Variants in FILIP1L observed in about 807,000 individuals in gnomAD.
The protein encoded by FILIP1L is filamin A interacting protein 1 like.
FILIP1L carries 55 observed loss-of-function variants against 96.6 expected under a neutral mutation model. That is an observed-to-expected ratio of 0.57 (90% CI 0.46 to 0.71). The LOEUF (loss-of-function observed/expected upper bound fraction) is 0.71, where lower values mean the gene tolerates loss of function less well. Among genes scored for constraint, FILIP1L ranks in the 30% least tolerant of loss-of-function variants. The pLI is 0.00. For synonymous variants in FILIP1L, 467 were observed against 473.9 expected, an observed-to-expected ratio of 0.99 and a Z score of 0.19; for missense variants, 1,304 against 1,321.2, an observed-to-expected ratio of 0.99 and a Z score of 0.20.
At chr3:100,017,002 A>C (rs1319086422) in intron 1 of FILIP1L, among the ~76,000 whole-genome samples, 1 of 152,172 alleles carries the variant, frequency 6.6e-6, no homozygotes, top group Non-Finnish European at 1.5e-5. Context: ...ACAGTAATGG[A>C]GATCTTTAAA....
At chr3:100,013,049 G>A (rs1242737407) in intron 1 of FILIP1L, among the ~76,000 whole-genome samples, 2 of 151,426 alleles carry the variant, frequency 1.3e-5, no homozygotes, top group Admixed American at 1.3e-4. Context: ...TTGTTTGTTT[G>A]TTTTGTTTGG....
rs1379263052 is a variant in FILIP1L at position 99,976,041 on chromosome 3, T to C, written c.-10-45011A>G. On this transcript the variant is annotated intron_variant, in intron 1 of 5. Transcript: ENST00000477258. The stretch of plus-strand genomic sequence containing the variant: ...CTGGGACTACAGGCATGTGCCACTA[T>C]GCCCAGCTAATTTTTGTATTTTTAG... Among the ~76,000 whole-genome samples the C allele has an allele frequency of 7.9e-4, 120 of 152,254 alleles. 1 individual carries two copies. The highest frequency in any genetic ancestry group is 1.0e-4 in the Non-Finnish European group (7 of 68,002).
Position 99,991,905 on chromosome 3 carries a change from T to C in FILIP1L, c.-10-60875A>G, listed in dbSNP as rs1236084038. ...ATATGTATATATGTGTGTATATATA[T>C]ACATATATAGGTATATATACACACA... On this transcript the variant is annotated intron_variant, in intron 1 of 5. Coordinates refer to ENST00000477258, the MANE Select transcript of FILIP1L (RefSeq NM_001387850.1). Among the ~76,000 whole-genome samples, 7 of 149,812 alleles carry C rather than the reference T, an allele frequency of 4.7e-5. No individual in the cohort carries two copies. The East Asian group carries it at 7.8e-4, about 17-fold the overall frequency.
At chr3:99,890,337 C>A (rs1183473105) in intron 4 of FILIP1L, among the ~76,000 whole-genome samples, 1 of 151,944 alleles carries the variant, frequency 6.6e-6, no homozygotes, top group Non-Finnish European at 1.5e-5. Flanking sequence ...ATGCAGATTT[C>A]TTTTATTTTG....
intron 1 of FILIP1L, among the ~76,000 whole-genome samples, chr3:100,085,435 G>A (rs1442357298): frequency 6.6e-6 from 1 of 152,066 alleles, no homozygotes; most frequent in African/African-American, 2.4e-5. Flanking sequence ...GCCCATTTGG[G>A]ACTATGCTTT....
chr3:100,066,784 GCCTCCC>G (rs2065672966), intron 1 of FILIP1L, among the ~76,000 whole-genome samples: 1 of 151,206 alleles, frequency 6.6e-6, no homozygotes, highest in Non-Finnish European at 1.5e-5. Flanking sequence ...GCCCGCCTCG[GCCTCCC>G]AAAGTGCTGG....
At chr3:100,035,415 A>G (rs2065090504) in intron 1 of FILIP1L, among the ~76,000 whole-genome samples, 1 of 152,138 alleles carries the variant, frequency 6.6e-6, no homozygotes, top group African/African-American at 2.4e-5. Context: ...CTGGGACTAC[A>G]GGCGCATGCC....
intron 1 of FILIP1L, among the ~76,000 whole-genome samples, chr3:99,965,279 T>G (rs1235060467): frequency 1.3e-5 from 2 of 152,202 alleles, no homozygotes; most frequent in African/African-American, 4.8e-5. Context: ...CTGTGTTCTT[T>G]GTATATGTGG....
intron 1 of FILIP1L, among the ~76,000 whole-genome samples, chr3:100,090,510 A>G (rs1289692661): frequency 1.3e-5 from 2 of 152,152 alleles, no homozygotes; most frequent in South Asian, 2.1e-4. Flanking sequence ...GGCGACAGAG[A>G]TGCATGACTT....
chr3:99,862,269 A>G (rs1944302364), intron 4 of FILIP1L, among the ~76,000 whole-genome samples: 1 of 152,226 alleles, frequency 6.6e-6, no homozygotes, highest in Non-Finnish European at 1.5e-5. Context: ...TGGAAAAAAA[A>G]GTAGGACAGT....
At chr3:99,909,054 G>A (rs1706710876) in intron 4 of FILIP1L, among the ~76,000 whole-genome samples, 1 of 152,124 alleles carries the variant, frequency 6.6e-6, no homozygotes, top group Non-Finnish European at 1.5e-5. Context: ...GTGTGCACAG[G>A]CCATCAAAGG....
In FILIP1L at chr3:99,836,184, G is replaced by C. The variant is rs558796393; in HGVS notation, c.3382-5579C>G. ...AGTGTAGTAGATTAACTATCTTACA[G>C]TACCATCTGTCCTAAATTCTGGGCT... On this transcript the variant is annotated intron_variant, in intron 5 of 5. Transcript: ENST00000477258. Among the ~76,000 whole-genome samples, 4 of 152,254 alleles carry C rather than the reference G, an allele frequency of 2.6e-5. No homozygotes were observed. In the South Asian group the frequency reaches 8.3e-4, roughly 32 times the overall value.
chr3:99,876,116 G>T, intron 4 of FILIP1L: 1 of 986,402 alleles, frequency 1.0e-6, no homozygotes, highest in Non-Finnish European at 1.2e-6. Context: ...GGCCGGGGCC[G>T]CTGTAGTGCC....
At chr3:99,911,600 T>G (rs1397762604) in intron 4 of FILIP1L, among the ~76,000 whole-genome samples, 1 of 152,156 alleles carries the variant, frequency 6.6e-6, no homozygotes, top group Non-Finnish European at 1.5e-5. Flanking sequence ...ATCTTTTTAA[T>G]GTACCTGTGA....
chr3:99,830,011 T>G lies in FILIP1L; in HGVS notation c.*403A>C, dbSNP rs898230206. ...ATTTTCTTGACTCAGATTAGGAATT[T>G]TTGCTATCACCTTTTCTTAGCAAAA... is the stretch of plus-strand genomic sequence containing the variant. On this transcript the variant is annotated 3_prime_UTR_variant, in exon 6 of 6. Transcript: ENST00000477258. 1.3e-5 allele frequency: 2 copies of G among 152,956 alleles called. No homozygotes were observed. Among genetic ancestry groups the G allele is most frequent in the Non-Finnish European group, 2.9e-5 (2 of 68,244 alleles). The allele number at this position is 152,956 out of a possible 1,614,324, so 9.5% of individuals were successfully genotyped here.
intron 4 of FILIP1L, among the ~76,000 whole-genome samples, chr3:99,853,068 T>C (rs1943783349): frequency 6.6e-6 from 1 of 152,202 alleles, no homozygotes; most frequent in South Asian, 2.1e-4. Flanking sequence ...TTTCTGGCCA[T>C]GCCCCATCCC....
chr3:99,983,440 ATG>A lies in FILIP1L; in HGVS notation c.-10-52412_-10-52411del, dbSNP rs1174472113. Among the ~76,000 whole-genome samples the A allele has an allele frequency of 3.3e-3, 126 of 37,824 alleles. 3 individuals carry two copies. The highest frequency in any genetic ancestry group is 7.0e-3 in the African/African-American group (75 of 10,658). 24.8% of individuals were successfully genotyped at this position (37,824 alleles called of 152,430 possible). Reference sequence around the variant, plus strand: ...TATATGTATGTATGTATGTATATATATGTATGTATATATATATATGTGTGTAT... The same window carrying A: ...TATATGTATGTATGTATGTATATATATATGTATATATATATATGTGTGTAT... On this transcript the variant is annotated intron_variant, in intron 1 of 5. Transcript: ENST00000477258.
At chr3:99,913,389 G>C (rs547300952) in intron 4 of FILIP1L, among the ~76,000 whole-genome samples, 1 of 152,108 alleles carries the variant, frequency 6.6e-6, no homozygotes, top group Admixed American at 6.5e-5. Flanking sequence ...TAAAGTTATC[G>C]TAGTGGATAT....
chr3:100,049,297 T>C (rs957135405), intron 1 of FILIP1L, among the ~76,000 whole-genome samples: 1 of 152,198 alleles, frequency 6.6e-6, no homozygotes, highest in African/African-American at 2.4e-5. Context: ...TCAACAAAGA[T>C]TAGAGGTTAG....
Sources: allele counts gnomAD v4.1 joint callset (sites outside exome capture counted in the v4.1 genomes callset), GRCh38; gene constraint gnomAD v4.1.1; transcripts MANE v1.5; gene names NCBI Gene and HGNC (gene_info 2026-07-23, HGNC 2026-07-21).